Variants in ZKSCAN1 observed in about 807,000 individuals in gnomAD.
The protein encoded by ZKSCAN1 is zinc finger with KRAB and SCAN domains 1, also known as zinc finger protein with KRAB and SCAN domains 1.
ZKSCAN1 carries 14 observed loss-of-function variants against 51.6 expected under a neutral mutation model. The observed-to-expected ratio is 0.27, with a 90% confidence interval of 0.18 to 0.42. The LOEUF is 0.42. ZKSCAN1 is among the 10% of genes least tolerant of loss of function. The probability of loss-of-function intolerance (pLI) is 1.00; values close to 1 mark genes in which losing one functional copy is unlikely to be tolerated. For synonymous variants in ZKSCAN1, 263 were observed against 261.5 expected (o/e 1.01, Z -0.06); for missense variants, 531 against 710.0 (o/e 0.75, Z 2.86).
In ZKSCAN1 at chr7:100,033,478, AAAGAG is replaced by A; in HGVS notation, c.976_980del (p.Glu326LysfsTer41). On this transcript the variant is annotated frameshift_variant, in exon 6 of 6. Coordinates refer to ENST00000324306, the MANE Select transcript of ZKSCAN1 (RefSeq NM_003439.4). LOFTEE classifies it high-confidence loss of function. This position sits in a 1 kb window ranked among gnomAD's most constrained non-coding sequence, Gnocchi z 4.1. ...GAAAAACCCTGAGGAGAAAACCAGG[AAAGAG>A]AAAAGAGATTCAGGGCCAGCTATAG... The A allele has an allele frequency of 6.2e-7, 1 of 1,614,076 alleles. No homozygotes were observed. The highest frequency in any genetic ancestry group is 8.5e-7 in the Non-Finnish European group (1 of 1,179,994).
At position 100,030,413 on chromosome 7, in the gene ZKSCAN1, T is replaced by G. The variant is rs1051255565; in HGVS notation, c.799+38T>G. 2.5e-6 allele frequency: 4 copies of G among 1,593,052 alleles called. No homozygotes were observed. In the African/African-American group the frequency reaches 5.4e-5, roughly 21 times the overall value. ...CAGGCTTACTGTCTGATAAGATGGT[T>G]TTGTCTCTCTGTGTGTTAGCTGTGG... On this transcript the variant is annotated intron_variant, in intron 5 of 5. Transcript: ENST00000324306.
intron 1 of ZKSCAN1, among the ~76,000 whole-genome samples, chr7:100,021,376 C>T (rs1242081869): frequency 1.3e-5 from 2 of 152,078 alleles, no homozygotes; most frequent in African/African-American, 4.8e-5. Context: ...CTGCTCCCTG[C>T]CTCAGCCTCC....
At chr7:100,024,523 G>A in intron 3 of ZKSCAN1, 1 of 568,692 alleles carries the variant, frequency 1.8e-6, no homozygotes, top group Non-Finnish European at 3.0e-6. Context: ...GAGCCCAGGA[G>A]GTTGAGGCTG....
chr7:100,025,791 T>A (rs1285340023), intron 3 of ZKSCAN1, among the ~76,000 whole-genome samples: 2 of 152,118 alleles, frequency 1.3e-5, no homozygotes, highest in African/African-American at 4.8e-5. Flanking sequence ...AAACAGAGTA[T>A]AAAAGATTTT....
At chr7:100,025,332 A>C (rs2115867102) in intron 3 of ZKSCAN1, among the ~76,000 whole-genome samples, 1 of 151,862 alleles carries the variant, frequency 6.6e-6, no homozygotes, top group East Asian at 1.9e-4. Context: ...AAAAAAAAAA[A>C]AAACTATAGC....
At position 100,023,770 on chromosome 7, in the gene ZKSCAN1, A is replaced by G. The variant is rs1287832338; in HGVS notation, c.264A>G (p.Glu88=). The change falls in exon 2 of 6, where the codon GAA becomes GAG. Residue 88 remains glutamate, a synonymous_variant. Coordinates refer to ENST00000324306, the MANE Select transcript of ZKSCAN1 (RefSeq NM_003439.4). ...TTTGTCATCAGTGGCTGCGGCCAGA[A>G]ATAAACACCAAGGAACAGATCCTGG... ...KELCHQWLRP[E]INTKEQILEL... 5 of 1,614,214 alleles carry G rather than the reference A, an allele frequency of 3.1e-6. No homozygotes were observed. Among genetic ancestry groups the G allele is most frequent in the Non-Finnish European group, 4.2e-6 (5 of 1,180,038 alleles).
In ZKSCAN1 at chr7:100,036,483, G is replaced by A. The variant is rs1003590932; in HGVS notation, c.*2286G>A. 9 of 972,632 alleles carry A rather than the reference G, an allele frequency of 9.3e-6. No individual in the cohort carries two copies. The highest frequency in any genetic ancestry group is 1.8e-5 in the African/African-American group (1 of 57,052). The allele number at this position is 972,632 out of a possible 1,614,324, so 60.3% of individuals were successfully genotyped here. A position where few individuals can be genotyped will look rare whatever the true frequency, so the allele number is the denominator to read the frequency against. On this transcript the variant is annotated 3_prime_UTR_variant, in exon 6 of 6. Coordinates refer to ENST00000324306, the MANE Select transcript of ZKSCAN1 (RefSeq NM_003439.4). ...TGTAATCCCAGCACTTTGGGAGGCC[G>A]AGGTGAGCGGATCACCTGAGGTCAG...
Position 100,034,328 on chromosome 7 carries a change from C to G in ZKSCAN1, c.*131C>G. 5 of 1,464,208 alleles carry G rather than the reference C, an allele frequency of 3.4e-6. No individual in the cohort carries two copies. Among genetic ancestry groups the G allele is most frequent in the Non-Finnish European group, 4.5e-6 (5 of 1,118,290 alleles). 90.7% of individuals were successfully genotyped at this position (1,464,208 alleles called of 1,614,324 possible). A position where few individuals can be genotyped will look rare whatever the true frequency, so the allele number is the denominator to read the frequency against. ...ACAAAAGTCACACTTAAGGATCCTTCTAGTCACATCAGCAGTGTTCTGCCT... is the reference window on the plus strand; with the variant it reads ...ACAAAAGTCACACTTAAGGATCCTTGTAGTCACATCAGCAGTGTTCTGCCT... On this transcript the variant is annotated 3_prime_UTR_variant, in exon 6 of 6. Coordinates refer to ENST00000324306, the MANE Select transcript of ZKSCAN1 (RefSeq NM_003439.4).
Position 100,034,912 on chromosome 7 carries a change from A to T in ZKSCAN1, c.*715A>T, listed in dbSNP as rs1791282462. ...AAATGGCAACAACAACTCCAAATAC[A>T]TCTCTCCCTTCTTGAAATCCCTAAA... On this transcript the variant is annotated 3_prime_UTR_variant, in exon 6 of 6. Coordinates refer to ENST00000324306, the MANE Select transcript of ZKSCAN1 (RefSeq NM_003439.4). The T allele has an allele frequency of 1.3e-5, 2 of 152,638 alleles. No individual in the cohort carries two copies. Among genetic ancestry groups the T allele is most frequent in the Admixed American group, 6.5e-5 (1 of 15,276 alleles). 9.5% of individuals were successfully genotyped at this position (152,638 alleles called of 1,614,324 possible).
Position 100,039,472 on chromosome 7 carries a change from TTCCTG to T in ZKSCAN1, c.*5277_*5281del, listed in dbSNP as rs1304195979. On this transcript the variant is annotated 3_prime_UTR_variant, in exon 6 of 6. Transcript: ENST00000324306. ...TTTTGCAATATTCCCTTTGGCTGTG[TTCCTG>T]TGTTCCCTGCTCCCACTTTTCTTCC... is the stretch of plus-strand genomic sequence containing the variant. The T allele has an allele frequency of 1.6e-5, 16 of 985,302 alleles. No individual in the cohort carries two copies. The highest frequency in any genetic ancestry group is 1.9e-5 in the Non-Finnish European group (16 of 829,940). The allele number at this position is 985,302 out of a possible 1,614,324, so 61.0% of individuals were successfully genotyped here.
intron 3 of ZKSCAN1, among the ~76,000 whole-genome samples, chr7:100,029,164 CAAAAAAAAA>C (rs56176717): frequency 6.5e-4 from 78 of 120,258 alleles, no homozygotes; most frequent in Non-Finnish European, 8.2e-4. Context: ...AACTCTGTCT[CAAAAAAAAA>C]AAAAAAAAAA....
downstream of ZKSCAN1, chr7:100,044,730 G>A (rs1482026447): frequency 1.5e-6 from 1 of 651,062 alleles, no homozygotes; most frequent in African/African-American, 2.1e-5. Flanking sequence ...TTTTTTTCAT[G>A]AAGTTTAACT....
intron 1 of ZKSCAN1, among the ~76,000 whole-genome samples, chr7:100,020,827 A>G (rs1790557273): frequency 6.6e-6 from 1 of 152,176 alleles, no homozygotes; most frequent in Admixed American, 6.6e-5. Flanking sequence ...TAAAACTTCA[A>G]TTTGATGCTT....
In ZKSCAN1 at chr7:100,036,696, G is replaced by A. The variant is rs567751218; in HGVS notation, c.*2499G>A. 2.5e-4 allele frequency: 239 copies of A among 974,562 alleles called. No homozygotes were observed. The African/African-American group carries it at 3.9e-3, about 16-fold the overall frequency. The allele number at this position is 974,562 out of a possible 1,614,324, so 60.4% of individuals were successfully genotyped here. ...TTGCACACTGCACTCCAGCCTGGGT[G>A]ACTAGCAAAACTCCATCTCAAAAAA... On this transcript the variant is annotated 3_prime_UTR_variant, in exon 6 of 6. Coordinates refer to ENST00000324306, the MANE Select transcript of ZKSCAN1 (RefSeq NM_003439.4).
At chr7:100,045,053 C>A, downstream of ZKSCAN1, 1 of 890,340 alleles carries the variant, frequency 1.1e-6, no homozygotes, top group Non-Finnish European at 1.3e-6. Context: ...ACACTAAATG[C>A]TGGAATCTTT....
At chr7:100,027,405 C>T (rs1399417770) in intron 3 of ZKSCAN1, among the ~76,000 whole-genome samples, 1 of 152,048 alleles carries the variant, frequency 6.6e-6, no homozygotes, top group Admixed American at 6.5e-5. Context: ...TCCTCTCTTC[C>T]GTGCATCCTG....
At chr7:100,025,738 A>G (rs1441015445) in intron 3 of ZKSCAN1, among the ~76,000 whole-genome samples, 5 of 152,232 alleles carry the variant, frequency 3.3e-5, no homozygotes, top group African/African-American at 9.6e-5. Context: ...GGGAATTGTA[A>G]CACAGTGGTA....
chr7:100,030,167 C>T, intron 4 of ZKSCAN1, 82 bp from the exon 5 acceptor site: 1 of 1,563,208 alleles, frequency 6.4e-7, no homozygotes, highest in Non-Finnish European at 8.7e-7. Context: ...TTGCAGCCAC[C>T]TCTCTTCCTG....
downstream of ZKSCAN1, among the ~76,000 whole-genome samples, chr7:100,044,101 A>T (rs1218640258): frequency 2.0e-5 from 3 of 152,032 alleles, no homozygotes; most frequent in African/African-American, 7.2e-5. Flanking sequence ...CTTGATATTT[A>T]TCTGGTCAGG....
Sources: allele counts gnomAD v4.1 joint callset (sites outside exome capture counted in the v4.1 genomes callset), GRCh38; gene constraint gnomAD v4.1.1; non-coding constraint Gnocchi (gnomAD v3.1); transcripts MANE v1.5; gene names NCBI Gene and HGNC (gene_info 2026-07-23, HGNC 2026-07-21).